Variants in KCNQ3 observed in about 807,000 individuals in gnomAD.
KCNQ3 encodes potassium voltage-gated channel subfamily Q member 3, also known as potassium voltage-gated channel subfamily KQT member 3.
KCNQ3 carries 30 observed loss-of-function variants against 92.5 expected under a neutral mutation model. The ratio of observed to expected loss-of-function variants is 0.32; its 90% confidence interval spans 0.24 to 0.44. The LOEUF (loss-of-function observed/expected upper bound fraction) is 0.44. Ranked by LOEUF, KCNQ3 falls within the 20% of genes least tolerant of loss-of-function variation. The pLI is 1.00. For missense variants in KCNQ3, 913 were observed against 1,140.3 expected, an observed-to-expected ratio of 0.80 and a Z score of 2.87; for synonymous variants, 450 against 468.8, an observed-to-expected ratio of 0.96 and a Z score of 0.52.
intron 1 of KCNQ3, among the ~76,000 whole-genome samples, chr8:132,338,819 G>A (rs1818439353): frequency 6.6e-6 from 1 of 152,178 alleles, no homozygotes; most frequent in African/African-American, 2.4e-5. Context: ...TCAGAAAGAA[G>A]GGATGTTGAG....
At chr8:132,186,293 G>T in intron 1 of KCNQ3, 112 bp from the exon 2 acceptor site, 1 of 751,222 alleles carries the variant, frequency 1.3e-6, no homozygotes, top group South Asian at 1.5e-5. Context: ...GCTGGACATT[G>T]ACATGTGCTT....
intron 1 of KCNQ3, among the ~76,000 whole-genome samples, chr8:132,349,906 G>A (rs1269742775): frequency 6.6e-6 from 1 of 152,218 alleles, no homozygotes; most frequent in Non-Finnish European, 1.5e-5. Context: ...GATGTACTCA[G>A]AGGTGAAATG....
chr8:132,318,066 T>C (rs1817792636), intron 1 of KCNQ3, among the ~76,000 whole-genome samples: 1 of 152,210 alleles, frequency 6.6e-6, no homozygotes, highest in Admixed American at 6.5e-5. Context: ...GTCAGTGTCC[T>C]CCCTTGAATA....
chr8:132,372,785 C>A (rs1055177546), intron 1 of KCNQ3, among the ~76,000 whole-genome samples: 19 of 108,154 alleles, frequency 1.8e-4, no homozygotes, highest in African/African-American at 4.7e-4. Context: ...AAAAAAAAAA[C>A]GCTTAGAGCA....
In KCNQ3 at chr8:132,422,251, A is replaced by G. The variant is rs1820987309; in HGVS notation, c.386+57896T>C. Among the ~76,000 whole-genome samples, 4 of 152,220 alleles carry G rather than the reference A, an allele frequency of 2.6e-5. No homozygotes were observed. The South Asian group carries it at 8.3e-4, about 32-fold the overall frequency. ...CATCCCTGACTCTTCCCTTCTCTTT[A>G]TCTGCACATTGACTTCCAGAATAAA... is the stretch of plus-strand genomic sequence containing the variant. On this transcript the variant is annotated intron_variant, in intron 1 of 14. Transcript: ENST00000388996.
At chr8:132,283,533 G>A (rs1192306487) in intron 1 of KCNQ3, among the ~76,000 whole-genome samples, 2 of 152,208 alleles carry the variant, frequency 1.3e-5, no homozygotes, top group Admixed American at 6.5e-5. Flanking sequence ...CTGGGTGGAA[G>A]GTCCTCTTCC....
At chr8:132,257,696 G>C (rs1173056472) in intron 1 of KCNQ3, among the ~76,000 whole-genome samples, 1 of 142,738 alleles carries the variant, frequency 7.0e-6, no homozygotes, top group East Asian at 2.1e-4. Context: ...GCAGTGAGCT[G>C]AGAGCATGCC....
chr8:132,255,061 A>G (rs906300859), intron 1 of KCNQ3, among the ~76,000 whole-genome samples: 1 of 152,108 alleles, frequency 6.6e-6, no homozygotes, highest in Admixed American at 6.6e-5. Flanking sequence ...GGTAAGAACA[A>G]TGAGCTTTGT....
chr8:132,298,910 G>A (rs1287495040), intron 1 of KCNQ3, among the ~76,000 whole-genome samples: 4 of 151,972 alleles, frequency 2.6e-5, no homozygotes, highest in Non-Finnish European at 5.9e-5. Context: ...CCCCATCTCA[G>A]AAACAAACAA....
intron 1 of KCNQ3, among the ~76,000 whole-genome samples, chr8:132,277,073 T>A (rs1326880785): frequency 6.6e-6 from 1 of 151,756 alleles, no homozygotes; most frequent in African/African-American, 2.4e-5. Flanking sequence ...ACAATAATTT[T>A]TAAAAAAAAA....
intron 8 of KCNQ3, among the ~76,000 whole-genome samples, chr8:132,163,852 G>T (rs1273502095): frequency 6.6e-6 from 1 of 152,228 alleles, no homozygotes; most frequent in Non-Finnish European, 1.5e-5. Flanking sequence ...TCATAATGTA[G>T]CAGTCACACA....
In KCNQ3 at chr8:132,261,519, G is replaced by T. The variant is rs142527315; in HGVS notation, c.387-75338C>A. The stretch of plus-strand genomic sequence containing the variant: ...CCACAATGGTGGGGAATGTTTTGAA[G>T]CTTGGAATAGAAAGGCAATATGCAG... On this transcript the variant is annotated intron_variant, in intron 1 of 14. Coordinates refer to ENST00000388996, the MANE Select transcript of KCNQ3 (RefSeq NM_004519.4). Among the ~76,000 whole-genome samples, 538 of 152,308 alleles carry T rather than the reference G, an allele frequency of 3.5e-3. 3 individuals are homozygous for T. The highest frequency in any genetic ancestry group is 6.8e-3 in the Middle Eastern group (2 of 294).
intron 1 of KCNQ3, among the ~76,000 whole-genome samples, chr8:132,455,988 G>A (rs1392767794): frequency 4.0e-5 from 6 of 151,676 alleles, no homozygotes; most frequent in South Asian, 2.1e-4. Flanking sequence ...CTCGTGATCC[G>A]CCCACCTCCG....
rs983878577 is a variant in KCNQ3, at chr8:132,207,363, C to T, written c.387-21182G>A. ...CTGCTTTAACAGGTATAAAATGGCA[C>T]CTGGAATTTGCATTTTAATAGCGAA... On this transcript the variant is annotated intron_variant, in intron 1 of 14. Coordinates refer to ENST00000388996, the MANE Select transcript of KCNQ3 (RefSeq NM_004519.4). 1.2e-4 allele frequency among the ~76,000 whole-genome samples: 19 copies of T among 152,206 alleles called. No homozygotes were observed. In the East Asian group the frequency reaches 3.3e-3, roughly 26 times the overall value.
intron 1 of KCNQ3, among the ~76,000 whole-genome samples, chr8:132,324,528 G>T (rs1179143879): frequency 2.6e-5 from 4 of 152,096 alleles, no homozygotes; most frequent in Admixed American, 2.0e-4. Flanking sequence ...CCAGTAACTT[G>T]TCTCTAAAAA....
intron 1 of KCNQ3, among the ~76,000 whole-genome samples, chr8:132,362,516 T>C (rs1214464859): frequency 1.3e-5 from 2 of 152,096 alleles, no homozygotes; most frequent in Non-Finnish European, 2.9e-5. Context: ...TTGGGGGCAA[T>C]TGGTGCTTAA....
chr8:132,202,964 G>A (rs969889058), intron 1 of KCNQ3, among the ~76,000 whole-genome samples: 2 of 104,968 alleles, frequency 1.9e-5, no homozygotes, highest in African/African-American at 7.9e-5. Context: ...ACCACGGACT[G>A]GGCAATTTAT....
At chr8:132,182,591 G>A (rs1422986879) in intron 3 of KCNQ3, among the ~76,000 whole-genome samples, 1 of 152,256 alleles carries the variant, frequency 6.6e-6, no homozygotes, top group Non-Finnish European at 1.5e-5. Context: ...GTCCAGCAGG[G>A]ATCTGGGCTC....
chr8:132,451,084 G>A (rs1001115184), intron 1 of KCNQ3, among the ~76,000 whole-genome samples: 16 of 152,272 alleles, frequency 1.1e-4, no homozygotes, highest in African/African-American at 3.9e-4. Flanking sequence ...ATGTTCCATG[G>A]GAGGGACCCG....
Sources: gnomAD v4.1 joint callset for allele counts (sites outside exome capture counted in the v4.1 genomes callset) on GRCh38, gnomAD v4.1.1 for gene constraint, MANE v1.5 for transcripts, NCBI Gene and HGNC (gene_info 2026-07-23, HGNC 2026-07-21) for gene names.